Variants in MEGF8 observed in about 807,000 individuals in gnomAD.
MEGF8 encodes the protein multiple EGF like domains 8, also known as multiple epidermal growth factor-like domains protein 8.
Under a neutral mutation model 302.9 loss-of-function variants are expected in MEGF8, and 156 were observed. That is an observed-to-expected ratio of 0.52 (90% CI 0.45 to 0.59). The LOEUF (loss-of-function observed/expected upper bound fraction) is 0.59. Ranked by LOEUF, MEGF8 falls within the 20% of genes least tolerant of loss-of-function variation. The probability of loss-of-function intolerance (pLI) is 0.00; values close to 1 mark genes in which losing one functional copy is unlikely to be tolerated. For synonymous variants in MEGF8, 1,621 were observed against 1,660.5 expected (o/e 0.98, Z 0.58); for missense variants, 3,345 against 3,964.5 (o/e 0.84, Z 4.20).
In MEGF8 at chr19:42,356,204, G is replaced by C; in HGVS notation, c.4503+11G>C. 1 of 1,515,690 alleles carries C rather than the reference G, an allele frequency of 6.6e-7. No homozygotes were observed. Among genetic ancestry groups the C allele is most frequent in the South Asian group, 1.3e-5 (1 of 78,152 alleles). 93.9% of individuals were successfully genotyped at this position (1,515,690 alleles called of 1,614,324 possible). The stretch of plus-strand genomic sequence containing the variant: ...AGCCGCCTCTCAGCCGTGAGTTGTG[G>C]GTACCCGCTGTCTAGGGATGGTTGC... On this transcript the variant is annotated intron_variant, in intron 25 of 41. Transcript: ENST00000251268. This position sits in a 1 kb window ranked among gnomAD's most constrained non-coding sequence, Gnocchi z 5.2.
At chr19:42,342,749 A>G (rs938652348) in intron 8 of MEGF8, among the ~76,000 whole-genome samples, 5 of 152,046 alleles carry the variant, frequency 3.3e-5, no homozygotes, top group East Asian at 1.9e-4. Context: ...TTCTCACTCA[A>G]TTTTTCAGCT....
At chr19:42,330,960 G>T (rs1335823188) in intron 1 of MEGF8, among the ~76,000 whole-genome samples, 3 of 152,200 alleles carry the variant, frequency 2.0e-5, no homozygotes, top group Non-Finnish European at 4.4e-5. Context: ...AGCAGGTTAG[G>T]GACCTGGACT....
Position 42,354,982 on chromosome 19 carries a change from C to A in MEGF8, c.4144+262C>A, listed in dbSNP as rs2039430353. Among the ~76,000 whole-genome samples the A allele has an allele frequency of 1.3e-5, 2 of 152,164 alleles. No individual in the cohort carries two copies. Reference sequence around the variant, plus strand: ...TGTGGTTGGTGTGAGGATCCCACACCACTCACTCTTTCCAGCTAGGCAGGA... The same window carrying A: ...TGTGGTTGGTGTGAGGATCCCACACAACTCACTCTTTCCAGCTAGGCAGGA... On this transcript the variant is annotated intron_variant, in intron 23 of 41. Transcript: ENST00000251268. The surrounding 1 kb of genome is among the most constrained non-coding windows in gnomAD (Gnocchi z 4.3).
At position 42,354,019 on chromosome 19, in the gene MEGF8, T is replaced by C; in HGVS notation, c.4006T>C (p.Cys1336Arg). Residue 1336 changes from cysteine to arginine, a missense_variant, in exon 22 of 42, where the codon TGC becomes CGC. Transcript: ENST00000251268. This position sits in a 1 kb window ranked among gnomAD's most constrained non-coding sequence, Gnocchi z 4.3. The part of the protein sequence containing the change: ...LTFSPDSSTP[C>R]TLSYVLAFDG... ...CTTCTCCCCCGACAGCAGCACCCCC[T>C]GCACGGTGAGCACTGAGGAAACGAG... 6.3e-7 allele frequency: 1 copy of C among 1,586,130 alleles called. No individual in the cohort carries two copies.
At chr19:42,361,678 G>C (rs1039984756) in intron 32 of MEGF8, among the ~76,000 whole-genome samples, 1 of 152,178 alleles carries the variant, frequency 6.6e-6, no homozygotes, top group Non-Finnish European at 1.5e-5. Flanking sequence ...CCCTGTGCAG[G>C]ACAGGGAGCC....
chr19:42,374,422 T>G (rs1249694705), intron 41 of MEGF8, among the ~76,000 whole-genome samples: 5 of 142,014 alleles, frequency 3.5e-5, no homozygotes, highest in African/African-American at 8.0e-5. Flanking sequence ...AGTGAGCCGA[T>G]ATCACACCAC....
intron 8 of MEGF8, among the ~76,000 whole-genome samples, chr19:42,341,875 C>T (rs1237587523): frequency 6.6e-6 from 1 of 152,190 alleles, no homozygotes; most frequent in African/African-American, 2.4e-5. Flanking sequence ...AAGCCACAGG[C>T]CCTCTCTTCA....
chr19:42,334,306 GA>G, intron 3 of MEGF8, 93 bp downstream of exon 3: 1 of 1,215,626 alleles, frequency 8.2e-7, no homozygotes, highest in Non-Finnish European at 1.1e-6. Context: ...GCTCCTGCAT[GA>G]AACTCCCCCC....
Position 42,351,665 on chromosome 19 carries a change from G to C in MEGF8, c.3005G>C (p.Arg1002Pro), listed in dbSNP as rs372885044. Residue 1002 changes from arginine (R) to proline (P), a missense_variant, in exon 18 of 42, where the codon CGG (arginine) becomes CCG (proline). Coordinates refer to ENST00000251268, the MANE Select transcript of MEGF8 (RefSeq NM_001271938.2). The surrounding 1 kb of genome is among the most constrained non-coding windows in gnomAD (Gnocchi z 5.6). ...GWDDSVHSEP[R>P]CRSCDGFLTC... ...TCCTGCAGTGTACACTCGGAGCCACGGTGCCGGAGCTGCGATGGCTTCCTG... is the reference window on the plus strand; with the variant it reads ...TCCTGCAGTGTACACTCGGAGCCACCGTGCCGGAGCTGCGATGGCTTCCTG... The C allele has an allele frequency of 6.3e-7, 1 of 1,590,746 alleles. No homozygotes were observed. Among genetic ancestry groups the C allele is most frequent in the African/African-American group, 1.3e-5 (1 of 74,472 alleles).
chr19:42,328,391 G>A (rs1195921834), intron 1 of MEGF8, among the ~76,000 whole-genome samples: 2 of 152,162 alleles, frequency 1.3e-5, no homozygotes, highest in Non-Finnish European at 2.9e-5. Context: ...GGGCTCTGGG[G>A]AGCTATGGAA....
chr19:42,351,290 G>C lies in MEGF8; in HGVS notation c.2811G>C (p.Arg937=), dbSNP rs750709778. 6.4e-7 allele frequency: 1 copy of C among 1,569,592 alleles called. No homozygotes were observed. Among genetic ancestry groups the C allele is most frequent in the East Asian group, 2.3e-5 (1 of 42,738 alleles). ...CATGCAGCCGGCGGGGCCGGGGTCGGGGTGCCCTGAAGAGTCCAGAGGAGT... is the reference window on the plus strand; with the variant it reads ...CATGCAGCCGGCGGGGCCGGGGTCGCGGTGCCCTGAAGAGTCCAGAGGAGT... ...DAACSRRGRG[R]GALKSPEECP... Residue 937 remains arginine, a synonymous_variant, in exon 16 of 42, where the codon CGG becomes CGC. Coordinates refer to ENST00000251268, the MANE Select transcript of MEGF8 (RefSeq NM_001271938.2). The surrounding 1 kb of genome is among the most constrained non-coding windows in gnomAD (Gnocchi z 5.6).
chr19:42,331,886 G>A (rs1431326584), intron 1 of MEGF8, among the ~76,000 whole-genome samples: 1 of 125,126 alleles, frequency 8.0e-6, no homozygotes, highest in Admixed American at 8.3e-5. Flanking sequence ...TTTTTTTTGA[G>A]TCCCCTCTGT....
Position 42,344,623 on chromosome 19 carries a change from A to G in MEGF8, c.1933+38A>G. On this transcript the variant is annotated intron_variant, in intron 11 of 41. Coordinates refer to ENST00000251268, the MANE Select transcript of MEGF8 (RefSeq NM_001271938.2). The surrounding 1 kb of genome is among the most constrained non-coding windows in gnomAD (Gnocchi z 4.5). Reference sequence around the variant, plus strand: ...AGCAGTGGGCCGGCAGGAGGGGGCCAGAGCACTCCACACTGACCCACCGGC... The same window carrying G: ...AGCAGTGGGCCGGCAGGAGGGGGCCGGAGCACTCCACACTGACCCACCGGC... 2 of 1,573,858 alleles carry G rather than the reference A, an allele frequency of 1.3e-6. No homozygotes were observed. The highest frequency in any genetic ancestry group is 2.3e-5 in the East Asian group (1 of 44,248).
Position 42,336,382 on chromosome 19 carries a change from C to A in MEGF8, c.1244+36C>A. On this transcript the variant is annotated intron_variant, in intron 6 of 41. Transcript: ENST00000251268. The surrounding 1 kb of genome is among the most constrained non-coding windows in gnomAD (Gnocchi z 4.8). ...TGTCCCATAACCCATGCTCCACAGG[C>A]CAGGCCCAGCTCAACACCATAGGCC... 1 of 1,542,406 alleles carries A rather than the reference C, an allele frequency of 6.5e-7. No homozygotes were observed. The highest frequency in any genetic ancestry group is 8.7e-7 in the Non-Finnish European group (1 of 1,145,366).
At position 42,357,064 on chromosome 19, in the gene MEGF8, TC is replaced by T; in HGVS notation, c.4830+87del. On this transcript the variant is annotated intron_variant, in intron 27 of 41. Coordinates refer to ENST00000251268, the MANE Select transcript of MEGF8 (RefSeq NM_001271938.2). This position sits in a 1 kb window ranked among gnomAD's most constrained non-coding sequence, Gnocchi z 5.2. ...GCTGTGGTAGCTCCTGCCAGCTCCATCCCCAGAGGAAACAGAAGCCCCAAAC... is the reference window on the plus strand; with the variant it reads ...GCTGTGGTAGCTCCTGCCAGCTCCATCCCAGAGGAAACAGAAGCCCCAAAC... 3 of 1,356,604 alleles carry T rather than the reference TC, an allele frequency of 2.2e-6. No homozygotes were observed. The highest frequency in any genetic ancestry group is 3.0e-6 in the Non-Finnish European group (3 of 1,007,238). The allele number at this position is 1,356,604 out of a possible 1,614,324, so 84.0% of individuals were successfully genotyped here.
chr19:42,340,553 G>A (rs189206244), intron 8 of MEGF8, among the ~76,000 whole-genome samples: 2 of 152,012 alleles, frequency 1.3e-5, no homozygotes, highest in Non-Finnish European at 2.9e-5. Flanking sequence ...TTTTAGTAGA[G>A]ATGGGGTTTC....
Position 42,336,090 on chromosome 19 carries a change from G to A in MEGF8, c.988G>A (p.Gly330Arg). The change falls in exon 6 of 42, where the codon GGG becomes AGG. Residue 330 changes from glycine (G) to arginine (R), a missense_variant. Gly to Arg is a moderately radical substitution (Grantham distance 125, BLOSUM62 -2). Coordinates refer to ENST00000251268, the MANE Select transcript of MEGF8 (RefSeq NM_001271938.2). The surrounding 1 kb of genome is among the most constrained non-coding windows in gnomAD (Gnocchi z 4.8). Reference protein sequence around the residue: ...LLAPPASSSSGPPGLAGHAAA... With the variant: ...LLAPPASSSSRPPGLAGHAAA... ...GGCACCACCTGCCTCCAGCTCCTCG[G>A]GGCCCCCAGGCCTGGCAGGTCACGC... The A allele has an allele frequency of 6.2e-7, 1 of 1,602,152 alleles. No homozygotes were observed. The highest frequency in any genetic ancestry group is 8.5e-7 in the Non-Finnish European group (1 of 1,177,252).
chr19:42,365,033 G>A (rs1568574106), intron 35 of MEGF8, among the ~76,000 whole-genome samples: 2 of 152,222 alleles, frequency 1.3e-5, no homozygotes, highest in Non-Finnish European at 2.9e-5. Flanking sequence ...ACACCAAGAG[G>A]GTGGCTGCGG....
intron 8 of MEGF8, among the ~76,000 whole-genome samples, chr19:42,342,413 T>G (rs1410648765): frequency 6.6e-6 from 1 of 151,896 alleles, no homozygotes; most frequent in Non-Finnish European, 1.5e-5. Context: ...CCGAGGCGAG[T>G]GGATCACGAG....
Sources: gnomAD v4.1 joint callset for allele counts (sites outside exome capture counted in the v4.1 genomes callset) on GRCh38, gnomAD v4.1.1 for gene constraint, Gnocchi (gnomAD v3.1) non-coding constraint, MANE v1.5 for transcripts, NCBI Gene and HGNC (gene_info 2026-07-23, HGNC 2026-07-21) for gene names.